The following GRIK1 variants were observed in gnomAD, a reference collection of about 807,000 sequenced individuals.
GRIK1 encodes the protein glutamate receptor ionotropic, kainate 1.
A neutral mutation model predicts 105.7 loss-of-function variants in GRIK1; 69 were observed. The observed-to-expected ratio is 0.65, with a 90% CI of 0.54 to 0.80. The LOEUF (loss-of-function observed/expected upper bound fraction) is 0.80. GRIK1 is among the 30% of genes least tolerant of loss of function. The probability of loss-of-function intolerance (pLI) is 0.00; values close to 1 mark genes in which losing one functional copy is unlikely to be tolerated. For missense variants in GRIK1, 1,109 were observed against 1,167.3 expected, an observed-to-expected ratio of 0.95 and a Z score of 0.73; for synonymous variants, 438 against 431.3, an observed-to-expected ratio of 1.02 and a Z score of -0.19.
chr21:29,781,913 A>G (rs934583365), intron 1 of GRIK1, among the ~76,000 whole-genome samples: 4 of 141,404 alleles, frequency 2.8e-5, no homozygotes, highest in South Asian at 2.3e-4. Flanking sequence ...CTCATGATCC[A>G]CCCGCCTCGG....
intron 1 of GRIK1, among the ~76,000 whole-genome samples, chr21:29,927,353 A>G (rs2071405972): frequency 6.6e-6 from 1 of 150,706 alleles, no homozygotes; most frequent in Non-Finnish European, 1.5e-5. Flanking sequence ...TATAATAAAT[A>G]ATACACAACT....
At chr21:29,906,231 T>G (rs893665716) in intron 1 of GRIK1, among the ~76,000 whole-genome samples, 2 of 152,226 alleles carry the variant, frequency 1.3e-5, no homozygotes, top group Non-Finnish European at 2.9e-5. Flanking sequence ...TGCTGAATGC[T>G]ACAAAACCAG....
intron 1 of GRIK1, among the ~76,000 whole-genome samples, chr21:29,920,443 T>G (rs1418815108): frequency 6.6e-6 from 1 of 152,130 alleles, no homozygotes; most frequent in Non-Finnish European, 1.5e-5. Flanking sequence ...TAGGAATGAC[T>G]TCTTTTACAG....
At chr21:29,861,536 G>A (rs1029357374) in intron 1 of GRIK1, 2 of 246,554 alleles carry the variant, frequency 8.1e-6, no homozygotes, top group Admixed American at 5.4e-5. Flanking sequence ...TCAAACTCCC[G>A]GACTCAAGCG....
intron 4 of GRIK1, among the ~76,000 whole-genome samples, chr21:29,661,999 C>T (rs986250478): frequency 4.7e-4 from 72 of 152,120 alleles, no homozygotes; most frequent in African/African-American, 1.7e-3. Flanking sequence ...CTCCTACCTC[C>T]AAGTTAAACT....
chr21:29,628,290 G>A (rs1040253457), intron 7 of GRIK1, among the ~76,000 whole-genome samples: 9 of 152,116 alleles, frequency 5.9e-5, no homozygotes, highest in Admixed American at 2.0e-4. Context: ...CAACTTCCTA[G>A]GATGTCAGCT....
chr21:29,685,961 C>T (rs534527089), intron 3 of GRIK1, among the ~76,000 whole-genome samples: 3 of 152,268 alleles, frequency 2.0e-5, no homozygotes, highest in South Asian at 2.1e-4. Flanking sequence ...TTCATAGGGG[C>T]CCTGACCCAT....
intron 1 of GRIK1, among the ~76,000 whole-genome samples, chr21:29,871,711 A>G (rs764278190): frequency 8.6e-5 from 13 of 151,852 alleles, no homozygotes; most frequent in Admixed American, 6.6e-4. Context: ...AGACCTGCAC[A>G]CTGGAAGAAA....
chr21:29,771,537 G>A (rs996469458), intron 1 of GRIK1, among the ~76,000 whole-genome samples: 5 of 152,218 alleles, frequency 3.3e-5, no homozygotes, highest in African/African-American at 1.2e-4. Context: ...GCTGGCCAGT[G>A]AAATGTTATT....
chr21:29,684,773 G>C (rs752373243), intron 3 of GRIK1, among the ~76,000 whole-genome samples: 1 of 152,184 alleles, frequency 6.6e-6, no homozygotes, highest in Non-Finnish European at 1.5e-5. Flanking sequence ...GCCTTCCAAA[G>C]TGCTGGGATT....
intron 7 of GRIK1, among the ~76,000 whole-genome samples, chr21:29,627,061 G>A (rs1352241437): frequency 6.6e-6 from 1 of 152,064 alleles, no homozygotes; most frequent in Non-Finnish European, 1.5e-5. Flanking sequence ...AAACCCTCTG[G>A]GTTCCTGTAG....
chr21:29,765,402 C>A (rs1481966327), intron 1 of GRIK1, among the ~76,000 whole-genome samples: 13 of 151,834 alleles, frequency 8.6e-5, no homozygotes, highest in Non-Finnish European at 1.9e-4. Context: ...TTTATTTTTC[C>A]ACCTTGAGAG....
At chr21:29,751,717 G>A (rs1297235203) in intron 1 of GRIK1, among the ~76,000 whole-genome samples, 1 of 152,146 alleles carries the variant, frequency 6.6e-6, no homozygotes, top group East Asian at 1.9e-4. Flanking sequence ...TACTACAATG[G>A]GAGGGAATCT....
At chr21:29,845,228 T>C (rs1358181677) in intron 1 of GRIK1, among the ~76,000 whole-genome samples, 2 of 152,196 alleles carry the variant, frequency 1.3e-5, no homozygotes, top group African/African-American at 2.4e-5. Flanking sequence ...CCTTTATTTG[T>C]TGAGTTCTCT....
intron 1 of GRIK1, among the ~76,000 whole-genome samples, chr21:29,847,782 A>G (rs1249116053): frequency 6.6e-6 from 1 of 152,122 alleles, no homozygotes; most frequent in Non-Finnish European, 1.5e-5. Flanking sequence ...CATTGGTTGC[A>G]TCGGGATGCT....
intron 16 of GRIK1, among the ~76,000 whole-genome samples, chr21:29,548,509 A>G (rs533036614): frequency 3.3e-5 from 5 of 152,172 alleles, no homozygotes; most frequent in African/African-American, 1.2e-4. Context: ...TATTATCTAC[A>G]AGAGTTAATT....
chr21:29,922,922 A>G (rs1190834292), intron 1 of GRIK1, among the ~76,000 whole-genome samples: 1 of 152,170 alleles, frequency 6.6e-6, no homozygotes, highest in Non-Finnish European at 1.5e-5. Context: ...ACTGCAGAAC[A>G]TAAAATGGTT....
intron 1 of GRIK1, among the ~76,000 whole-genome samples, chr21:29,921,037 T>C (rs2071174530): frequency 2.0e-5 from 3 of 152,292 alleles, no homozygotes; most frequent in African/African-American, 7.2e-5. Context: ...ACCTCAGCAC[T>C]GTTGGCATTC....
intron 3 of GRIK1, among the ~76,000 whole-genome samples, chr21:29,683,804 T>C (rs1483361513): frequency 6.6e-6 from 1 of 152,222 alleles, no homozygotes; most frequent in Admixed American, 6.5e-5. Flanking sequence ...CTTTAGCTAT[T>C]TACATATGCA....
Sources: gnomAD v4.1 joint callset for allele counts (sites outside exome capture counted in the v4.1 genomes callset) on GRCh38, gnomAD v4.1.1 for gene constraint, MANE v1.5 for transcripts, NCBI Gene and HGNC (gene_info 2026-07-23, HGNC 2026-07-21) for gene names.